SIPA1L3: variants seen among roughly 807,000 people sequenced by gnomAD.
SIPA1L3 encodes the protein signal induced proliferation associated 1 like 3.
SIPA1L3 carries 59 observed loss-of-function variants against 150.1 expected under a neutral mutation model. The observed-to-expected ratio is 0.39, with a 90% CI of 0.32 to 0.49. The LOEUF (loss-of-function observed/expected upper bound fraction) is 0.49, where lower values mean the gene tolerates loss of function less well. SIPA1L3 is among the 20% of genes least tolerant of loss of function. The probability of loss-of-function intolerance (pLI) is 0.86; values close to 1 mark genes in which losing one functional copy is unlikely to be tolerated. For missense variants in SIPA1L3, 2,211 were observed against 2,489.5 expected (o/e 0.89, Z 2.38); for synonymous variants, 1,070 against 1,077.6 (o/e 0.99, Z 0.14).
intron 18 of SIPA1L3, among the ~76,000 whole-genome samples, chr19:38,194,440 G>T (rs1209072099): frequency 6.6e-6 from 1 of 152,054 alleles, no homozygotes; most frequent in Non-Finnish European, 1.5e-5. Flanking sequence ...TGGCCTGGAG[G>T]GGCGTGAGGC....
At chr19:38,196,776 A>G (rs1278695743) in intron 18 of SIPA1L3, among the ~76,000 whole-genome samples, 2 of 151,574 alleles carry the variant, frequency 1.3e-5, no homozygotes, top group African/African-American at 2.4e-5. Context: ...CCGAGGGGGG[A>G]GCAAGGAGGC....
intron 18 of SIPA1L3, among the ~76,000 whole-genome samples, chr19:38,197,244 C>T (rs1169365280): frequency 6.6e-6 from 1 of 152,132 alleles, no homozygotes; most frequent in Admixed American, 6.5e-5. Context: ...CGATTCCCAG[C>T]TAAGGGCCCT....
chr19:38,172,561 A>AT (rs1972351339), intron 15 of SIPA1L3, among the ~76,000 whole-genome samples: 1 of 152,114 alleles, frequency 6.6e-6, no homozygotes, highest in Non-Finnish European at 1.5e-5. Context: ...CCAGGGTGAG[A>AT]TCCAGGCAGT....
At chr19:38,145,723 G>A (rs1971689385) in intron 12 of SIPA1L3, among the ~76,000 whole-genome samples, 1 of 152,084 alleles carries the variant, frequency 6.6e-6, no homozygotes, top group Admixed American at 6.6e-5. Context: ...GTGTGTGTCT[G>A]TAGCTCTGTG....
intron 15 of SIPA1L3, among the ~76,000 whole-genome samples, chr19:38,167,950 T>C (rs757179014): frequency 4.6e-5 from 7 of 152,158 alleles, no homozygotes; most frequent in Non-Finnish European, 1.0e-4. Context: ...TCATAAGTAT[T>C]TCTTAGGGAT....
intron 15 of SIPA1L3, among the ~76,000 whole-genome samples, chr19:38,177,890 G>A (rs1463127523): frequency 2.0e-5 from 3 of 152,058 alleles, no homozygotes; most frequent in Admixed American, 1.3e-4. Flanking sequence ...TCCAGGCATG[G>A]TGGTGAATGC....
intron 2 of SIPA1L3, among the ~76,000 whole-genome samples, chr19:38,040,439 C>A (rs552345392): frequency 1.3e-5 from 2 of 152,048 alleles, no homozygotes; most frequent in South Asian, 4.2e-4. Context: ...TTTTAAAAAA[C>A]CAACTCAGAT....
intron 14 of SIPA1L3, among the ~76,000 whole-genome samples, chr19:38,162,896 G>T (rs1379575242): frequency 6.6e-6 from 1 of 152,182 alleles, no homozygotes; most frequent in Non-Finnish European, 1.5e-5. Flanking sequence ...GAAATGGCAT[G>T]AATCGCTTCC....
rs1249979938 is a variant in SIPA1L3, at chr19:38,100,039, C to T, written c.1743C>T (p.Pro581=). 20 of 1,612,316 alleles carry T rather than the reference C, an allele frequency of 1.2e-5. No individual in the cohort carries two copies. The highest frequency in any genetic ancestry group is 1.6e-5 in the Non-Finnish European group (19 of 1,179,406). The part of the protein sequence containing the change: ...ATKHGTGRGL[P]LKDALEYVIP... ...AGCATGGGACCGGGCGGGGCCTGCCCTTGAAGGATGCCCTGGAGTATGTCA... is the reference window on the plus strand; with the variant it reads ...AGCATGGGACCGGGCGGGGCCTGCCTTTGAAGGATGCCCTGGAGTATGTCA... Residue 581 remains proline, a synonymous_variant, in exon 5 of 22, where the codon CCC becomes CCT. Transcript: ENST00000222345.
chr19:37,956,482 G>GTTTTTTT (rs34804753), intron 1 of SIPA1L3, among the ~76,000 whole-genome samples: 4 of 126,882 alleles, frequency 3.2e-5, no homozygotes, highest in African/African-American at 5.8e-5. Context: ...AAGTATAAAA[G>GTTTTTTT]TTTTGTTTTT....
chr19:37,963,282 A>G (rs2046875637), intron 1 of SIPA1L3, among the ~76,000 whole-genome samples: 1 of 152,122 alleles, frequency 6.6e-6, no homozygotes, highest in African/African-American at 2.4e-5. Flanking sequence ...GGCCCCCTCT[A>G]GTCTCTCTGG....
In SIPA1L3 at chr19:38,164,474, C is replaced by T. The variant is rs1266428808; in HGVS notation, c.3781-5C>T. 1.3e-6 allele frequency: 2 copies of T among 1,596,390 alleles called. No homozygotes were observed. Among genetic ancestry groups the T allele is most frequent in the South Asian group, 2.2e-5 (2 of 90,042 alleles). On this transcript the variant is annotated splice_polypyrimidine_tract_variant and splice_region_variant and intron_variant, in intron 14 of 21. Coordinates refer to ENST00000222345, the MANE Select transcript of SIPA1L3 (RefSeq NM_015073.3). The surrounding 1 kb of genome is among the most constrained non-coding windows in gnomAD (Gnocchi z 4.1). ...TGGGAATGACACGCTTCTCTTGCCT[C>T]TCAGGGAGAACCTCAATACTCAAGT...
chr19:38,154,269 T>C (rs1428544230), intron 13 of SIPA1L3, among the ~76,000 whole-genome samples: 3 of 152,208 alleles, frequency 2.0e-5, no homozygotes, highest in Non-Finnish European at 4.4e-5. Context: ...CCACAACTTA[T>C]TGCCACATCT....
Position 38,154,469 on chromosome 19 carries a change from C to T in SIPA1L3, c.3661+1502C>T, listed in dbSNP as rs182334678. Among the ~76,000 whole-genome samples, 568 of 152,024 alleles carry T rather than the reference C, an allele frequency of 3.7e-3. 7 individuals carry two copies. The highest frequency in any genetic ancestry group is 0.013 in the African/African-American group (531 of 41,484). ...TTTATTTATTTATTTATTTTTTAAACGGAGTTTCGCTCTTGTCACCCAGGC... is the reference window on the plus strand; with the variant it reads ...TTTATTTATTTATTTATTTTTTAAATGGAGTTTCGCTCTTGTCACCCAGGC... On this transcript the variant is annotated intron_variant, in intron 13 of 21. Transcript: ENST00000222345.
intron 15 of SIPA1L3, among the ~76,000 whole-genome samples, chr19:38,172,959 G>A (rs964114733): frequency 1.3e-5 from 2 of 152,034 alleles, no homozygotes; most frequent in Non-Finnish European, 2.9e-5. Context: ...AAAATTAGCT[G>A]GGTGTGGTGG....
At chr19:38,135,463 G>T (rs951434747) in intron 10 of SIPA1L3, among the ~76,000 whole-genome samples, 1 of 152,180 alleles carries the variant, frequency 6.6e-6, no homozygotes, top group African/African-American at 2.4e-5. Context: ...TGCCCTGGTG[G>T]CTACGCTCCT....
intron 18 of SIPA1L3, among the ~76,000 whole-genome samples, chr19:38,196,579 C>T (rs1025259220): frequency 1.4e-5 from 2 of 146,518 alleles, no homozygotes; most frequent in Admixed American, 6.8e-5. Context: ...AAGGGCAGAG[C>T]GTGGAGGTCA....
At position 38,047,422 on chromosome 19, in the gene SIPA1L3, T is replaced by C. The variant is rs1302730870; in HGVS notation, c.-311+18266T>C. Among the ~76,000 whole-genome samples, 7 of 152,190 alleles carry C rather than the reference T, an allele frequency of 4.6e-5. No individual in the cohort carries two copies. The East Asian group carries it at 1.3e-3, about 29-fold the overall frequency. ...GAATTCTGTGTCTTGTGCATTGCCA[T>C]ATCCCCAGCATCTAGAACAGGACCT... On this transcript the variant is annotated intron_variant, in intron 2 of 21. Transcript: ENST00000222345. This position sits in a 1 kb window ranked among gnomAD's most constrained non-coding sequence, Gnocchi z 4.7.
At chr19:38,119,910 G>A (rs763239616) in intron 9 of SIPA1L3, 28 bp downstream of exon 9, 26 of 1,536,626 alleles carry the variant, frequency 1.7e-5, no homozygotes, top group Non-Finnish European at 2.1e-5. Context: ...GCGATAGGGC[G>A]GCGATTTGTA....
Sources: allele counts gnomAD v4.1 joint callset (sites outside exome capture counted in the v4.1 genomes callset), GRCh38; gene constraint gnomAD v4.1.1; non-coding constraint Gnocchi (gnomAD v3.1); transcripts MANE v1.5; gene names NCBI Gene and HGNC (gene_info 2026-07-23, HGNC 2026-07-21).